The following OLAH variants were observed in gnomAD, a reference collection of about 807,000 sequenced individuals.
OLAH encodes oleoyl-ACP hydrolase.
OLAH carries 33 observed loss-of-function variants against 27.8 expected under a neutral mutation model. That is an observed-to-expected ratio of 1.19 (90% CI 0.90 to 1.59). The LOEUF is 1.59. Ranked by LOEUF, OLAH falls within the 40% of genes most tolerant of loss-of-function variation. OLAH has a pLI of 0.00. For synonymous variants in OLAH, 120 were observed against 102.9 expected (o/e 1.17, Z -1.01); for missense variants, 359 against 310.8 (o/e 1.16, Z -1.17).
intron 4 of OLAH, among the ~76,000 whole-genome samples, chr10:15,062,738 ATTCT>A (rs1395568896): frequency 1.3e-5 from 2 of 149,218 alleles, no homozygotes; most frequent in Admixed American, 1.3e-4. Context: ...TCCAGTGAAC[ATTCT>A]TTTTTTTTTT....
intron 3 of OLAH, among the ~76,000 whole-genome samples, chr10:15,058,939 TCTCCTTCCCTTCCCTCC>T (rs1564531420): frequency 2.9e-5 from 2 of 67,978 alleles, no homozygotes; most frequent in South Asian, 1.4e-3. Context: ...TCCTTCCCTC[TCTCCTTCCCTTCCCTCC>T]CTCCTTCCCT....
chr10:15,064,994 T>C (rs1227948980), intron 5 of OLAH, among the ~76,000 whole-genome samples: 2 of 152,210 alleles, frequency 1.3e-5, no homozygotes, highest in African/African-American at 4.8e-5. Context: ...CAATTGATTT[T>C]GCACCAACCT....
intron 3 of OLAH, chr10:15,056,696 T>A (rs897429266): frequency 2.7e-5 from 27 of 993,372 alleles, no homozygotes; most frequent in South Asian, 2.2e-4. Flanking sequence ...AATAGCATGA[T>A]CTTGGCTCAT....
intron 5 of OLAH, among the ~76,000 whole-genome samples, chr10:15,064,950 C>T (rs1263442461): frequency 2.6e-5 from 4 of 152,228 alleles, no homozygotes; most frequent in African/African-American, 9.6e-5. Flanking sequence ...AGCCAGCACA[C>T]CCAGCCTGCC....
At chr10:15,047,555 G>C (rs1244444090) in intron 2 of OLAH, among the ~76,000 whole-genome samples, 2 of 152,112 alleles carry the variant, frequency 1.3e-5, no homozygotes, top group African/African-American at 4.8e-5. Flanking sequence ...AATTCACCGG[G>C]TATGGTGGTG....
intron 2 of OLAH, among the ~76,000 whole-genome samples, chr10:15,048,415 G>A (rs528249291): frequency 1.6e-3 from 236 of 152,198 alleles, no homozygotes; most frequent in Non-Finnish European, 2.1e-3. Flanking sequence ...ACAGGGCTTC[G>A]CCATGTTGGC....
upstream of OLAH, among the ~76,000 whole-genome samples, chr10:15,041,247 A>G (rs763930015): frequency 6.6e-6 from 1 of 151,838 alleles, no homozygotes; most frequent in Non-Finnish European, 1.5e-5. Flanking sequence ...GATCTCTTAG[A>G]GGCATTCCAC....
chr10:15,033,062 A>G (rs991728927), intron 1 of OLAH, among the ~76,000 whole-genome samples: 9 of 150,840 alleles, frequency 6.0e-5, no homozygotes, highest in Non-Finnish European at 1.0e-4. Flanking sequence ...TTTAAAGTAG[A>G]GATGGGGTTT....
intron 3 of OLAH, among the ~76,000 whole-genome samples, chr10:15,051,067 T>A (rs1331124759): frequency 1.6e-5 from 1 of 62,762 alleles, no homozygotes; most frequent in Non-Finnish European, 2.8e-5. Flanking sequence ...CTGTTTATTA[T>A]TATTATTATT....
At chr10:15,044,195 T>G (rs187416440) in intron 1 of OLAH, among the ~76,000 whole-genome samples, 1 of 152,262 alleles carries the variant, frequency 6.6e-6, no homozygotes, top group African/African-American at 2.4e-5. Context: ...TTATTTGTTT[T>G]ACCTGTTCTA....
At chr10:15,044,949 A>G (rs1035633567) in intron 1 of OLAH, among the ~76,000 whole-genome samples, 22 of 152,156 alleles carry the variant, frequency 1.4e-4, no homozygotes, top group Admixed American at 7.2e-4. Flanking sequence ...TCTTTGGACT[A>G]GTACTATGCA....
intron 1 of OLAH, among the ~76,000 whole-genome samples, chr10:15,037,198 TAAAACAAG>T (rs1042916751): frequency 6.6e-6 from 1 of 151,430 alleles, no homozygotes; most frequent in African/African-American, 2.4e-5. Flanking sequence ...CAGTAACCAC[TAAAACAAG>T]AAAACAAAGA....
At chr10:15,073,035 ATCTT>A in intron 7 of OLAH, 48 bp from the exon 8 acceptor site, 1 of 1,558,180 alleles carries the variant, frequency 6.4e-7, no homozygotes, top group African/African-American at 1.4e-5. Context: ...CTTGATGTGA[ATCTT>A]TAGTTGCTGT....
At chr10:15,053,348 C>T (rs992257728) in intron 3 of OLAH, among the ~76,000 whole-genome samples, 14 of 152,176 alleles carry the variant, frequency 9.2e-5, no homozygotes, top group Non-Finnish European at 1.5e-4. Context: ...TCAGCAGCTT[C>T]CTGATAGGAT....
intron 1 of OLAH, among the ~76,000 whole-genome samples, chr10:15,035,842 AC>A (rs1843833536): frequency 6.6e-6 from 1 of 152,134 alleles, no homozygotes; most frequent in Non-Finnish European, 1.5e-5. Flanking sequence ...AGAGCGTCAA[AC>A]AAAAAGAGCC....
In OLAH at chr10:15,053,717, T is replaced by A. The variant is rs114483309; in HGVS notation, c.163+3952T>A. Among the ~76,000 whole-genome samples, 445 of 145,488 alleles carry A rather than the reference T, an allele frequency of 3.1e-3. 2 individuals carry two copies. Among genetic ancestry groups the A allele is most frequent in the African/African-American group, 0.011 (421 of 40,092 alleles). On this transcript the variant is annotated intron_variant, in intron 3 of 7. Coordinates refer to ENST00000378228, the MANE Select transcript of OLAH (RefSeq NM_001039702.3). ...TTCCTTTTTTGTTTCTGTTCTAAGC[T>A]TTTTTTTTTTCCCTTGACACAGGGT...
Position 15,061,857 on chromosome 10 carries a change from C to T in OLAH, c.297C>T (p.Gly99=). 2 of 1,612,682 alleles carry T rather than the reference C, an allele frequency of 1.2e-6. No homozygotes were observed. The highest frequency in any genetic ancestry group is 1.7e-6 in the Non-Finnish European group (2 of 1,179,504). The change falls in exon 4 of 8, where the codon GGC becomes GGT. Residue 99 remains glycine (G), a synonymous_variant. Transcript: ENST00000378228. The part of the protein sequence containing the change: ...VIQDKPFAFF[G]HSMGSYIAFR... The stretch of plus-strand genomic sequence containing the variant: ...AGGATAAACCATTTGCATTTTTTGG[C>T]CACAGGTATTTGATATCTGTTTTAA...
chr10:15,046,988 T>A, intron 1 of OLAH, 138 bp from the exon 2 acceptor site: 1 of 260,568 alleles, frequency 3.8e-6, no homozygotes, highest in Non-Finnish European at 7.2e-6. Flanking sequence ...GGGATGGGGG[T>A]GGTGACTCCT....
At chr10:15,049,845 G>T (rs1290973172) in intron 3 of OLAH, 80 bp downstream of exon 3, 14 of 1,368,920 alleles carry the variant, frequency 1.0e-5, no homozygotes, top group Non-Finnish European at 1.4e-5. Flanking sequence ...GTTTGGTCAA[G>T]ACTTTCCTTC....
Sources: allele counts gnomAD v4.1 joint callset (sites outside exome capture counted in the v4.1 genomes callset), GRCh38; gene constraint gnomAD v4.1.1; transcripts MANE v1.5; gene names NCBI Gene and HGNC (gene_info 2026-07-23, HGNC 2026-07-21).